The following ZNF431 variants were observed in gnomAD, a reference collection of about 807,000 sequenced individuals.
ZNF431 encodes zinc finger protein 431.
A neutral mutation model predicts 57.0 loss-of-function variants in ZNF431; 34 were observed. That is an observed-to-expected ratio of 0.60 (90% CI 0.45 to 0.79). The LOEUF is 0.79. ZNF431 is among the 30% of genes least tolerant of loss of function. The pLI is 0.00. For synonymous variants in ZNF431, 207 were observed against 220.3 expected (o/e 0.94, Z 0.54); for missense variants, 607 against 667.1 (o/e 0.91, Z 0.99).
rs1436113623 is a variant in ZNF431 at position 21,184,463 on chromosome 19, CAA to C, written c.*431_*432del. The C allele has an allele frequency of 6.4e-6, 1 of 155,878 alleles. No homozygotes were observed. Among genetic ancestry groups the C allele is most frequent in the Non-Finnish European group, 1.4e-5 (1 of 69,544 alleles). 9.7% of individuals were successfully genotyped at this position (155,878 alleles called of 1,614,324 possible). A position where few individuals can be genotyped will look rare whatever the true frequency, so the allele number is the denominator to read the frequency against. On this transcript the variant is annotated 3_prime_UTR_variant, in exon 5 of 5. Transcript: ENST00000311048. Reference sequence around the variant, plus strand: ...TAATTTATACTGGAGAGAAACTCTACAAATCAGAAAGATGTGACTACTTTTGA... The same window carrying C: ...TAATTTATACTGGAGAGAAACTCTACATCAGAAAGATGTGACTACTTTTGA...
chr19:21,170,247 A>G (rs1192102673), intron 4 of ZNF431, among the ~76,000 whole-genome samples: 1 of 152,148 alleles, frequency 6.6e-6, no homozygotes, highest in Non-Finnish European at 1.5e-5. Context: ...CTCCAACCTC[A>G]ATGTACCATG....
At chr19:21,166,286 C>T in intron 2 of ZNF431, 49 bp from the exon 3 acceptor site, 1 of 1,587,320 alleles carries the variant, frequency 6.3e-7, no homozygotes, top group South Asian at 1.2e-5. Flanking sequence ...AAATTCTGCC[C>T]ATGGCCACTT....
intron 2 of ZNF431, among the ~76,000 whole-genome samples, chr19:21,145,842 T>G (rs1970070857): frequency 1.3e-5 from 2 of 151,960 alleles, no homozygotes; most frequent in Admixed American, 1.3e-4. Context: ...GCAAACAGGA[T>G]TAGAAAGAAG....
Position 21,142,110 on chromosome 19 carries a change from C to G in ZNF431, c.-74C>G, listed in dbSNP as rs375386379. Reference sequence around the variant, plus strand: ...GTGTCCTCTGCTCCTAGAGGCCCAACATCTGTGGCCCTGTGACCTGCAGGT... The same window carrying G: ...GTGTCCTCTGCTCCTAGAGGCCCAAGATCTGTGGCCCTGTGACCTGCAGGT... On this transcript the variant is annotated 5_prime_UTR_variant, in exon 1 of 5. Transcript: ENST00000311048. 4 of 1,589,762 alleles carry G rather than the reference C, an allele frequency of 2.5e-6. No individual in the cohort carries two copies. The highest frequency in any genetic ancestry group is 3.4e-6 in the Non-Finnish European group (4 of 1,159,526).
At chr19:21,144,424 G>T (rs964484404) in intron 2 of ZNF431, among the ~76,000 whole-genome samples, 1 of 151,662 alleles carries the variant, frequency 6.6e-6, no homozygotes, top group Non-Finnish European at 1.5e-5. Context: ...GGCTGGTCTC[G>T]AACTCCTGAC....
intron 2 of ZNF431, among the ~76,000 whole-genome samples, chr19:21,163,789 G>A (rs1970644016): frequency 6.6e-6 from 1 of 152,018 alleles, no homozygotes; most frequent in African/African-American, 2.4e-5. Flanking sequence ...CAAAGTGCTG[G>A]GATTACAGGC....
chr19:21,176,317 T>G (rs888417719), intron 4 of ZNF431, among the ~76,000 whole-genome samples: 1 of 150,864 alleles, frequency 6.6e-6, no homozygotes, highest in Non-Finnish European at 1.5e-5. Context: ...CTCAGCTCAC[T>G]GCCACCTCCG....
chr19:21,177,332 G>A (rs1357731301), intron 4 of ZNF431, among the ~76,000 whole-genome samples: 1 of 152,126 alleles, frequency 6.6e-6, no homozygotes, highest in African/African-American at 2.4e-5. Flanking sequence ...AGATCAAATG[G>A]TTGTAGATAT....
intron 2 of ZNF431, among the ~76,000 whole-genome samples, chr19:21,153,871 C>G (rs1206760104): frequency 2.0e-5 from 3 of 152,144 alleles, no homozygotes; most frequent in Non-Finnish European, 4.4e-5. Flanking sequence ...CGCCCACCAC[C>G]ATGCCCGTCT....
intron 4 of ZNF431, among the ~76,000 whole-genome samples, chr19:21,168,455 C>G (rs1396227118): frequency 6.6e-6 from 1 of 151,988 alleles, no homozygotes; most frequent in Non-Finnish European, 1.5e-5. Flanking sequence ...CAACCTCCAC[C>G]TCCTGTGTTC....
intron 2 of ZNF431, among the ~76,000 whole-genome samples, chr19:21,152,452 T>C (rs1041488516): frequency 3.9e-5 from 6 of 152,162 alleles, no homozygotes; most frequent in African/African-American, 1.2e-4. Flanking sequence ...TGTAGATGCC[T>C]AATTCTGTCA....
At chr19:21,164,079 C>CA (rs34934773) in intron 2 of ZNF431, among the ~76,000 whole-genome samples, 84,805 of 138,292 alleles carry the variant, frequency 0.61, 26,048 homozygotes, top group Middle Eastern at 0.8. Context: ...AACTCCATCT[C>CA]AAAAAAAAAA....
rs1971520952 is a variant in ZNF431, at chr19:21,192,074, T to C, written c.*8040T>C. 6.6e-6 allele frequency: 1 copy of C among 152,204 alleles called. No homozygotes were observed. The highest frequency in any genetic ancestry group is 1.5e-5 in the Non-Finnish European group (1 of 68,022). The allele number at this position is 152,204 out of a possible 1,614,324, so 9.4% of individuals were successfully genotyped here. A position where few individuals can be genotyped will look rare whatever the true frequency, so the allele number is the denominator to read the frequency against. ...ACTATAGTTATTGTAGATGTAATTG[T>C]TTTTGAATTTCATTTTGGGATAGTT... On this transcript the variant is annotated 3_prime_UTR_variant, in exon 5 of 5. Coordinates refer to ENST00000311048, the MANE Select transcript of ZNF431 (RefSeq NM_133473.4).
intron 4 of ZNF431, among the ~76,000 whole-genome samples, chr19:21,175,823 C>CCAA (rs1971032902): frequency 5.9e-5 from 9 of 152,182 alleles, no homozygotes; most frequent in Admixed American, 3.9e-4. Flanking sequence ...TCCAGTCTGT[C>CCAA]ATAGATGGGC....
intron 1 of ZNF431, 53 bp downstream of exon 1, chr19:21,142,239 G>A (rs1440285646): frequency 7.4e-6 from 12 of 1,611,872 alleles, no homozygotes; most frequent in Admixed American, 1.7e-5. Flanking sequence ...GGTTGTAACC[G>A]GTGGGAAGTG....
At chr19:21,178,793 T>TTGTG (rs61125024) in intron 4 of ZNF431, among the ~76,000 whole-genome samples, 40,671 of 148,490 alleles carry the variant, frequency 0.27, 5,936 homozygotes, top group African/African-American at 0.39. Flanking sequence ...ACTTGAAGGT[T>TTGTG]TGTGTGTGTG....
rs978436774 is a variant in ZNF431, at chr19:21,142,312, G to T, written c.3+126G>T. 16 of 1,335,170 alleles carry T rather than the reference G, an allele frequency of 1.2e-5. No homozygotes were observed. In the Middle Eastern group the frequency reaches 5.4e-4, roughly 45 times the overall value. The allele number at this position is 1,335,170 out of a possible 1,614,324, so 82.7% of individuals were successfully genotyped here. On this transcript the variant is annotated intron_variant, in intron 1 of 4. Transcript: ENST00000311048. ...ACAGTCTGCGCCCCGAGTTCTCCTT[G>T]CCCAGCTCGGCCTCAGTCCCCTCCA...
In ZNF431 at chr19:21,143,673, C is replaced by T. The variant is rs778289389; in HGVS notation, c.96+30C>T. ...CCTCTTGAGACATTAAAATTGTCTA[C>T]GCCCAACCCAGCTTTCATTTCTTGG... On this transcript the variant is annotated intron_variant, in intron 2 of 4. Coordinates refer to ENST00000311048, the MANE Select transcript of ZNF431 (RefSeq NM_133473.4). 4.6e-6 allele frequency: 7 copies of T among 1,535,196 alleles called. No individual in the cohort carries two copies. In the Middle Eastern group the frequency reaches 5.1e-4, roughly 112 times the overall value.
intron 3 of ZNF431, among the ~76,000 whole-genome samples, chr19:21,166,800 A>G (rs1970732110): frequency 6.6e-6 from 1 of 152,244 alleles, no homozygotes; most frequent in South Asian, 2.1e-4. Flanking sequence ...CTACAAATTT[A>G]AAATATTTTC....
Sources: allele counts gnomAD v4.1 joint callset (sites outside exome capture counted in the v4.1 genomes callset), GRCh38; gene constraint gnomAD v4.1.1; transcripts MANE v1.5; gene names NCBI Gene and HGNC (gene_info 2026-07-23, HGNC 2026-07-21).